NRG1: variants seen among roughly 807,000 people sequenced by gnomAD.
NRG1 encodes the protein pro-neuregulin-1, membrane-bound isoform.
In NRG1, 18 loss-of-function variants were observed where a neutral mutation model predicts 63.8. The observed-to-expected ratio is 0.28, with a 90% CI of 0.19 to 0.42. The LOEUF (loss-of-function observed/expected upper bound fraction) is 0.42, where lower values mean the gene tolerates loss of function less well. Among genes scored for constraint, NRG1 ranks in the 10% least tolerant of loss-of-function variants. NRG1 has a pLI of 1.00. For missense variants in NRG1, 762 were observed against 814.7 expected, an observed-to-expected ratio of 0.94 and a Z score of 0.79; for synonymous variants, 302 against 301.3, an observed-to-expected ratio of 1.00 and a Z score of -0.02.
intron 1 of NRG1, among the ~76,000 whole-genome samples, chr8:32,403,574 A>G (rs1813528944): frequency 1.3e-5 from 2 of 152,172 alleles, no homozygotes; most frequent in Admixed American, 6.5e-5. Context: ...AGCCTTCTCT[A>G]AATAGAGTAT....
At chr8:32,552,331 T>G (rs1834313939) in intron 1 of NRG1, among the ~76,000 whole-genome samples, 1 of 152,110 alleles carries the variant, frequency 6.6e-6, no homozygotes, top group Non-Finnish European at 1.5e-5. Context: ...GTCTTTTTTC[T>G]TTTTCCTCTT....
At chr8:32,454,085 C>G (rs1469368553) in intron 1 of NRG1, among the ~76,000 whole-genome samples, 4 of 152,128 alleles carry the variant, frequency 2.6e-5, no homozygotes, top group Non-Finnish European at 4.4e-5. Flanking sequence ...ATAAAGGCCA[C>G]AACAGTTTCA....
At position 31,749,863 on chromosome 8, in the gene NRG1, G is replaced by C. The variant is rs1264353486; in HGVS notation, c.37+110432G>C. On this transcript the variant is annotated intron_variant, in intron 1 of 10. Coordinates refer to the NRG1 transcript ENST00000519301. ...TTTTGCAAGCAATATTTTAAAATCT[G>C]TTTGTTTATTTTTTTTATTTTTGGA... 2.4e-4 allele frequency among the ~76,000 whole-genome samples: 35 copies of C among 146,416 alleles called. No individual in the cohort carries two copies. In the Admixed American group the frequency reaches 2.5e-3, roughly 10 times the overall value.
At chr8:32,598,111 A>G (rs1445969847) in intron 2 of NRG1, among the ~76,000 whole-genome samples, 1 of 152,174 alleles carries the variant, frequency 6.6e-6, no homozygotes, top group Non-Finnish European at 1.5e-5. Context: ...TGGAGAAATT[A>G]AAGAGGTATA....
At chr8:31,911,934 A>G (rs868431160) in intron 1 of NRG1, among the ~76,000 whole-genome samples, 6 of 152,336 alleles carry the variant, frequency 3.9e-5, no homozygotes, top group Middle Eastern at 6.8e-3. Context: ...ACTAAGAATC[A>G]GAGACTTGGT....
intron 1 of NRG1, among the ~76,000 whole-genome samples, chr8:32,407,296 A>AT (rs1814177001): frequency 3.1e-4 from 2 of 6,394 alleles, no homozygotes; most frequent in African/African-American, 6.7e-4. Context: ...TATATATATT[A>AT]TATATATATA....
At chr8:32,300,084 T>C (rs1454904273) in intron 1 of NRG1, among the ~76,000 whole-genome samples, 1 of 152,032 alleles carries the variant, frequency 6.6e-6, no homozygotes, top group Non-Finnish European at 1.5e-5. Context: ...CTCACATGAC[T>C]TCATTGTTCT....
chr8:32,513,926 G>C (rs931070538), intron 1 of NRG1, among the ~76,000 whole-genome samples: 5 of 152,172 alleles, frequency 3.3e-5, no homozygotes, highest in Admixed American at 2.6e-4. Flanking sequence ...GAGCCAACTA[G>C]TGGGTAAAAT....
intron 1 of NRG1, among the ~76,000 whole-genome samples, chr8:31,811,381 A>G (rs1266282421): frequency 2.0e-5 from 3 of 152,136 alleles, no homozygotes; most frequent in Admixed American, 1.3e-4. Context: ...AATCCCATCT[A>G]CTTTCAACCT....
chr8:32,687,640 C>T (rs965619076), intron 5 of NRG1, among the ~76,000 whole-genome samples: 3 of 152,094 alleles, frequency 2.0e-5, no homozygotes, highest in East Asian at 3.9e-4. Context: ...TAGGAATGGT[C>T]GTTGCCTCTT....
At chr8:32,379,658 A>C (rs1260150189) in intron 1 of NRG1, among the ~76,000 whole-genome samples, 1 of 152,204 alleles carries the variant, frequency 6.6e-6, no homozygotes, top group Non-Finnish European at 1.5e-5. Flanking sequence ...TCTCACTGTA[A>C]GATTGACATA....
chr8:31,844,824 T>TAA (rs201406197), intron 1 of NRG1, among the ~76,000 whole-genome samples: 5 of 150,750 alleles, frequency 3.3e-5, no homozygotes, highest in Admixed American at 2.0e-4. Flanking sequence ...CAAAGGGAAT[T>TAA]AAAAAAAAAT....
At chr8:32,083,190 CACAT>C (rs1363939160) in intron 1 of NRG1, among the ~76,000 whole-genome samples, 1 of 152,174 alleles carries the variant, frequency 6.6e-6, no homozygotes, top group African/African-American at 2.4e-5. Flanking sequence ...CTTGTTAAAA[CACAT>C]ACATGCACAC....
intron 1 of NRG1, among the ~76,000 whole-genome samples, chr8:32,478,411 T>C (rs1587875314): frequency 6.6e-6 from 1 of 152,224 alleles, no homozygotes; most frequent in Non-Finnish European, 1.5e-5. Context: ...GGGACACCAA[T>C]GTAATACCAT....
At chr8:31,788,400 A>G (rs912751813) in intron 1 of NRG1, among the ~76,000 whole-genome samples, 4 of 152,284 alleles carry the variant, frequency 2.6e-5, no homozygotes, top group African/African-American at 7.2e-5. Flanking sequence ...CTACATTAAG[A>G]TATGGATATT....
At chr8:31,938,877 T>A (rs1585913487) in intron 1 of NRG1, among the ~76,000 whole-genome samples, 1 of 152,092 alleles carries the variant, frequency 6.6e-6, no homozygotes, top group East Asian at 1.9e-4. Context: ...AAAAGAATTT[T>A]AAAAAAATGA....
chr8:32,580,748 T>G (rs1364714696), intron 1 of NRG1, among the ~76,000 whole-genome samples: 1 of 152,178 alleles, frequency 6.6e-6, no homozygotes, highest in Non-Finnish European at 1.5e-5. Flanking sequence ...CATAGTGTAA[T>G]GCAGTACTGA....
At chr8:32,348,029 A>G (rs1430944135) in intron 1 of NRG1, among the ~76,000 whole-genome samples, 1 of 152,154 alleles carries the variant, frequency 6.6e-6, no homozygotes, top group Non-Finnish European at 1.5e-5. Context: ...ATCACTCTTT[A>G]ACCAAATTGT....
chr8:31,928,609 ATG>A (rs368721206), intron 1 of NRG1, among the ~76,000 whole-genome samples: 3 of 147,670 alleles, frequency 2.0e-5, no homozygotes, highest in Non-Finnish European at 4.5e-5. Flanking sequence ...TGGTGCGTGC[ATG>A]TGTGTGTGTG....
Sources: allele counts gnomAD v4.1 joint callset (sites outside exome capture counted in the v4.1 genomes callset), GRCh38; gene constraint gnomAD v4.1.1; transcripts MANE v1.5; gene names NCBI Gene and HGNC (gene_info 2026-07-23, HGNC 2026-07-21).